Variants in ZBTB20 observed in about 807,000 individuals in gnomAD.
The protein encoded by ZBTB20 is zinc finger and BTB domain containing 20.
A neutral mutation model predicts 56.9 loss-of-function variants in ZBTB20; 9 were observed. The ratio of observed to expected loss-of-function variants is 0.16; its 90% CI spans 0.10 to 0.28. ZBTB20 has a LOEUF of 0.28. ZBTB20 is among the 10% of genes least tolerant of loss of function. The pLI, the probability that ZBTB20 is intolerant of heterozygous loss-of-function variation, is 1.00. For synonymous variants in ZBTB20, 417 were observed against 420.7 expected (o/e 0.99, Z 0.11); for missense variants, 655 against 1,003.0 (o/e 0.65, Z 4.69).
At chr3:114,502,786 C>T (rs1444593917) in intron 6 of ZBTB20, 1 of 151,742 alleles carries the variant, frequency 6.6e-6, no homozygotes, top group Non-Finnish European at 1.5e-5. Flanking sequence ...CCCTCCCTCC[C>T]TCCTTTCTTA....
intron 6 of ZBTB20, among the ~76,000 whole-genome samples, chr3:114,644,754 A>C (rs1404197664): frequency 6.6e-6 from 1 of 152,112 alleles, no homozygotes; most frequent in Admixed American, 6.6e-5. Context: ...ATTCCTATGG[A>C]CTAAATCTGC....
At chr3:115,028,980 C>A (rs748664757) in intron 2 of ZBTB20, among the ~76,000 whole-genome samples, 11 of 150,256 alleles carry the variant, frequency 7.3e-5, no homozygotes, top group Non-Finnish European at 1.6e-4. Context: ...CTAACATGAA[C>A]TATAAACATG....
At chr3:114,993,936 A>T (rs1459955231) in intron 2 of ZBTB20, among the ~76,000 whole-genome samples, 1 of 151,834 alleles carries the variant, frequency 6.6e-6, no homozygotes, top group Non-Finnish European at 1.5e-5. Flanking sequence ...ACAAATGTAC[A>T]ATAGAGAGTA....
chr3:114,424,417 G>A (rs2089464624), intron 7 of ZBTB20, among the ~76,000 whole-genome samples: 1 of 152,100 alleles, frequency 6.6e-6, no homozygotes, highest in African/African-American at 2.4e-5. Flanking sequence ...TACATGCCAG[G>A]ATTTCAACTC....
chr3:114,752,632 T>C (rs1045722210), intron 5 of ZBTB20, among the ~76,000 whole-genome samples: 4 of 152,200 alleles, frequency 2.6e-5, no homozygotes, highest in Non-Finnish European at 5.9e-5. Context: ...AATTCAGGAC[T>C]TTACTTAAAA....
chr3:114,604,396 T>C (rs2056987398), intron 6 of ZBTB20, among the ~76,000 whole-genome samples: 1 of 151,946 alleles, frequency 6.6e-6, no homozygotes, highest in Non-Finnish European at 1.5e-5. Context: ...AAGTGGTTAC[T>C]AATGGGAATA....
intron 6 of ZBTB20, among the ~76,000 whole-genome samples, chr3:114,543,419 T>G (rs752854389): frequency 6.6e-6 from 1 of 152,100 alleles, no homozygotes; most frequent in African/African-American, 2.4e-5. Context: ...TTTCTCTGAA[T>G]AGAGGGGAGC....
At chr3:115,015,454 G>T (rs2079910962) in intron 2 of ZBTB20, among the ~76,000 whole-genome samples, 1 of 151,616 alleles carries the variant, frequency 6.6e-6, no homozygotes, top group South Asian at 2.1e-4. Context: ...TCTTCCTGAT[G>T]CTCTCACTTC....
intron 6 of ZBTB20, among the ~76,000 whole-genome samples, chr3:114,691,793 A>C (rs2062712363): frequency 6.6e-6 from 1 of 152,126 alleles, no homozygotes; most frequent in South Asian, 2.1e-4. Flanking sequence ...GATTTAAATT[A>C]TAGAAATAAT....
intron 6 of ZBTB20, among the ~76,000 whole-genome samples, chr3:114,528,026 A>T (rs1295819731): frequency 2.0e-5 from 3 of 149,152 alleles, no homozygotes; most frequent in East Asian, 3.9e-4. Flanking sequence ...GATTATCCTG[A>T]TAAAAGTGAT....
chr3:114,903,855 C>G (rs2075220191), intron 3 of ZBTB20, among the ~76,000 whole-genome samples: 1 of 151,920 alleles, frequency 6.6e-6, no homozygotes, highest in Admixed American at 6.6e-5. Flanking sequence ...ATGACCAGAG[C>G]CTTATATATG....
chr3:114,698,459 T>C (rs2063191539), intron 5 of ZBTB20, among the ~76,000 whole-genome samples: 1 of 152,126 alleles, frequency 6.6e-6, no homozygotes, highest in Non-Finnish European at 1.5e-5. Flanking sequence ...TGAATGCTGC[T>C]CAGTGCTTCC....
At chr3:114,780,736 T>C (rs1408055604) in intron 5 of ZBTB20, among the ~76,000 whole-genome samples, 1 of 152,216 alleles carries the variant, frequency 6.6e-6, no homozygotes, top group Non-Finnish European at 1.5e-5. Flanking sequence ...TCAGCCCACC[T>C]TGGCCTCCCA....
At chr3:114,624,540 T>TTTTTTCA (rs2058540254) in intron 6 of ZBTB20, among the ~76,000 whole-genome samples, 3 of 152,164 alleles carry the variant, frequency 2.0e-5, no homozygotes, top group African/African-American at 7.2e-5. Context: ...TTTCATCCCC[T>TTTTTTCA]TGAATTCTGT....
intron 3 of ZBTB20, among the ~76,000 whole-genome samples, chr3:114,912,202 T>A (rs2075569454): frequency 6.8e-6 from 1 of 147,004 alleles, no homozygotes; most frequent in South Asian, 2.1e-4. Flanking sequence ...GAAGGAGGGA[T>A]AATAACATAA....
At chr3:114,472,255 T>C (rs1397345112) in intron 7 of ZBTB20, among the ~76,000 whole-genome samples, 1 of 152,144 alleles carries the variant, frequency 6.6e-6, no homozygotes, top group African/African-American at 2.4e-5. Flanking sequence ...TTGAGCAAAA[T>C]GGGACGTCAA....
intron 6 of ZBTB20, among the ~76,000 whole-genome samples, chr3:114,605,047 G>A (rs1295699543): frequency 1.3e-5 from 2 of 151,724 alleles, no homozygotes; most frequent in Non-Finnish European, 2.9e-5. Flanking sequence ...ATACTTAGGC[G>A]ATGTACTCAG....
intron 4 of ZBTB20, among the ~76,000 whole-genome samples, chr3:114,850,730 C>A (rs918763594): frequency 6.6e-6 from 1 of 152,186 alleles, no homozygotes; most frequent in African/African-American, 2.4e-5. Flanking sequence ...AGCTTGTGTT[C>A]AATTTAAAAC....
At chr3:114,536,092 C>A (rs980018146) in intron 6 of ZBTB20, among the ~76,000 whole-genome samples, 1 of 152,184 alleles carries the variant, frequency 6.6e-6, no homozygotes, top group Non-Finnish European at 1.5e-5. Flanking sequence ...TAGCACAAGA[C>A]AAGGATGCCT....
Sources: allele counts gnomAD v4.1 joint callset (sites outside exome capture counted in the v4.1 genomes callset), GRCh38; gene constraint gnomAD v4.1.1; transcripts MANE v1.5; gene names NCBI Gene and HGNC (gene_info 2026-07-23, HGNC 2026-07-21).